The following ADCY1 variants were observed in gnomAD, a reference collection of about 807,000 sequenced individuals.
The protein encoded by ADCY1 is adenylate cyclase type 1.
A neutral mutation model predicts 105.4 loss-of-function variants in ADCY1; 28 were observed. The observed-to-expected ratio is 0.27, with a 90% CI of 0.20 to 0.36. The LOEUF is 0.36. Ranked by LOEUF, ADCY1 falls within the 10% of genes least tolerant of loss-of-function variation. ADCY1 has a pLI of 1.00. For missense variants in ADCY1, 977 were observed against 1,434.2 expected (o/e 0.68, Z 5.15); for synonymous variants, 655 against 623.8 (o/e 1.05, Z -0.75).
intron 14 of ADCY1, among the ~76,000 whole-genome samples, chr7:45,695,635 G>A (rs1163129924): frequency 1.3e-5 from 2 of 152,202 alleles, no homozygotes; most frequent in Admixed American, 6.5e-5. Context: ...TCTCTGAAAG[G>A]TTAGATCTGG....
chr7:45,597,410 G>C (rs1793107600), intron 2 of ADCY1, among the ~76,000 whole-genome samples: 1 of 152,220 alleles, frequency 6.6e-6, no homozygotes, highest in Non-Finnish European at 1.5e-5. Context: ...ACCAGTAGTA[G>C]GGTGTGCTTC....
At chr7:45,592,691 G>A (rs971735789) in intron 1 of ADCY1, 68 bp from the exon 2 acceptor site, 2 of 1,598,532 alleles carry the variant, frequency 1.3e-6, no homozygotes, top group African/African-American at 2.7e-5. Flanking sequence ...TGCTCTCCGG[G>A]CGGCCTAGGC....
In ADCY1 at chr7:45,575,222, A is replaced by G; in HGVS notation, c.639+40A>G. 3 of 1,529,212 alleles carry G rather than the reference A, an allele frequency of 2.0e-6. No individual in the cohort carries two copies. Among genetic ancestry groups the G allele is most frequent in the Non-Finnish European group, 2.6e-6 (3 of 1,143,646 alleles). 94.7% of individuals were successfully genotyped at this position (1,529,212 alleles called of 1,614,324 possible). A position where few individuals can be genotyped will look rare whatever the true frequency, so the allele number is the denominator to read the frequency against. ...GCACCCCTCATCTGGTCTCGGACAC[A>G]CTTGCTGGGACGATGCTGGGAATGC... On this transcript the variant is annotated intron_variant, in intron 1 of 19. Coordinates refer to ENST00000297323, the MANE Select transcript of ADCY1 (RefSeq NM_021116.4). The surrounding 1 kb of genome is among the most constrained non-coding windows in gnomAD (Gnocchi z 4.7).
At chr7:45,706,394 A>G (rs973587166) in intron 17 of ADCY1, among the ~76,000 whole-genome samples, 1 of 151,312 alleles carries the variant, frequency 6.6e-6, no homozygotes, top group East Asian at 2.0e-4. Flanking sequence ...ACCCATAGAC[A>G]TATAGTCAAC....
intron 4 of ADCY1, among the ~76,000 whole-genome samples, chr7:45,643,277 T>C (rs1348144951): frequency 1.3e-5 from 2 of 151,056 alleles, no homozygotes; most frequent in Admixed American, 6.6e-5. Context: ...AGGATTTTTT[T>C]TTTAGGAAAA....
intron 14 of ADCY1, among the ~76,000 whole-genome samples, chr7:45,693,144 C>T (rs6463298): frequency 0.58 from 87,865 of 152,108 alleles, 26,350 homozygotes; most frequent in East Asian, 0.79. Flanking sequence ...TGACAGATTA[C>T]AACACTTAAG....
In ADCY1 at chr7:45,589,993, G is replaced by C. The variant is rs146377207; in HGVS notation, c.640-2766G>C. On this transcript the variant is annotated intron_variant, in intron 1 of 19. Transcript: ENST00000297323. ...ACAGATTGTAGTTAACAGAAATGGG[G>C]AGGCAAGCTAACGAAAAGAGAGGAG... Among the ~76,000 whole-genome samples, 520 of 152,272 alleles carry C rather than the reference G, an allele frequency of 3.4e-3. 3 individuals are homozygous for C. The highest frequency in any genetic ancestry group is 0.012 in the African/African-American group (494 of 41,566).
intron 2 of ADCY1, among the ~76,000 whole-genome samples, chr7:45,601,055 G>A (rs1793217540): frequency 6.6e-6 from 1 of 152,188 alleles, no homozygotes; most frequent in South Asian, 2.1e-4. Context: ...TAAAAGTCGA[G>A]TGTATGATTT....
intron 14 of ADCY1, among the ~76,000 whole-genome samples, chr7:45,697,386 CTTTT>C (rs34522967): frequency 9.2e-6 from 1 of 108,262 alleles, no homozygotes; most frequent in African/African-American, 3.5e-5. Flanking sequence ...CTCTCTTTAC[CTTTT>C]TTTTTTTTTT....
chr7:45,703,519 G>C lies in ADCY1; in HGVS notation c.2571+27G>C. 6.2e-7 allele frequency: 1 copy of C among 1,613,856 alleles called. No homozygotes were observed. Among genetic ancestry groups the C allele is most frequent in the South Asian group, 1.1e-5 (1 of 91,054 alleles). ...TGAGCACCCAGCCTGCTCCTGGCCAGCACTAGCCCTACACTGCTCTGGCCA... is the reference window on the plus strand; with the variant it reads ...TGAGCACCCAGCCTGCTCCTGGCCACCACTAGCCCTACACTGCTCTGGCCA... On this transcript the variant is annotated intron_variant, in intron 15 of 19. Coordinates refer to ENST00000297323, the MANE Select transcript of ADCY1 (RefSeq NM_021116.4). The surrounding 1 kb of genome is among the most constrained non-coding windows in gnomAD (Gnocchi z 5.9).
chr7:45,620,695 C>T (rs1056053036), intron 3 of ADCY1, among the ~76,000 whole-genome samples: 1 of 152,116 alleles, frequency 6.6e-6, no homozygotes, highest in Non-Finnish European at 1.5e-5. Context: ...AAGAGAAAAA[C>T]GAGTTATCAT....
Position 45,678,184 on chromosome 7 carries a change from G to A in ADCY1, c.1819G>A (p.Glu607Lys). The change falls in exon 10 of 20, where the codon GAG becomes AAG. Residue 607 changes from glutamate (E) to lysine (K), a missense_variant. Transcript: ENST00000297323. ...REQKYHQLQD[E>K]YFTSAVVLTL... is the part of the protein sequence containing the mutation. ...TACACAGTACCACCAGCTTCAGGACGAGTATTTCACCAGCGCCGTTGTCCT... is the reference window on the plus strand; with the variant it reads ...TACACAGTACCACCAGCTTCAGGACAAGTATTTCACCAGCGCCGTTGTCCT... 1.9e-6 allele frequency: 3 copies of A among 1,614,178 alleles called. No homozygotes were observed. Among genetic ancestry groups the A allele is most frequent in the East Asian group, 2.2e-5 (1 of 44,886 alleles).
At chr7:45,581,535 C>T (rs917192900) in intron 1 of ADCY1, among the ~76,000 whole-genome samples, 4 of 152,190 alleles carry the variant, frequency 2.6e-5, no homozygotes, top group African/African-American at 9.7e-5. Flanking sequence ...ATCCCTGTGG[C>T]CATCATGCCA....
chr7:45,712,193 A>G lies in ADCY1; in HGVS notation c.3058-1500A>G, dbSNP rs1368495596. ...TTTATAATTTTATTTAAATAATAAA[A>G]TTAAATGTTAAATATATTAAATTAA... On this transcript the variant is annotated intron_variant, in intron 19 of 19. Coordinates refer to ENST00000297323, the MANE Select transcript of ADCY1 (RefSeq NM_021116.4). Among the ~76,000 whole-genome samples, 47 of 143,376 alleles carry G rather than the reference A, an allele frequency of 3.3e-4. 1 individual carries two copies. The East Asian group carries it at 6.8e-3, about 21-fold the overall frequency. The allele number at this position is 143,376 out of a possible 152,430, so 94.1% of individuals were successfully genotyped here. A position where few individuals can be genotyped will look rare whatever the true frequency, so the allele number is the denominator to read the frequency against.
chr7:45,684,964 A>C lies in ADCY1; in HGVS notation c.1984-15A>C. On this transcript the variant is annotated splice_polypyrimidine_tract_variant and intron_variant, in intron 11 of 19. Coordinates refer to ENST00000297323, the MANE Select transcript of ADCY1 (RefSeq NM_021116.4). ...TAATCAGAGGGTATTTTCTAAATTA[A>C]CATTTCTTATTCAGTGTTTTCCAGG... 1 of 1,608,816 alleles carries C rather than the reference A, an allele frequency of 6.2e-7. No individual in the cohort carries two copies. Among genetic ancestry groups the C allele is most frequent in the Non-Finnish European group, 8.5e-7 (1 of 1,175,150 alleles).
intron 5 of ADCY1, 69 bp from the exon 6 acceptor site, chr7:45,657,658 C>A: frequency 6.6e-7 from 1 of 1,514,338 alleles, no homozygotes; most frequent in South Asian, 1.2e-5. Flanking sequence ...CCTAGCAGTG[C>A]AGACCAAGGT....
chr7:45,676,053 T>G (rs56294845), intron 8 of ADCY1, among the ~76,000 whole-genome samples: 24,370 of 151,382 alleles, frequency 0.16, 2,215 homozygotes, highest in African/African-American at 0.24. Flanking sequence ...GTTTTGTTTT[T>G]TTTTTTTAAG....
At chr7:45,614,286 G>C (rs1193536900) in intron 3 of ADCY1, among the ~76,000 whole-genome samples, 1 of 152,076 alleles carries the variant, frequency 6.6e-6, no homozygotes, top group Non-Finnish European at 1.5e-5. Context: ...AAAGTGTAGA[G>C]TTTCTGTATG....
intron 4 of ADCY1, among the ~76,000 whole-genome samples, chr7:45,638,481 CT>C (rs34719678): frequency 0.37 from 48,937 of 132,520 alleles, 8,296 homozygotes; most frequent in East Asian, 0.68. Context: ...CAGTTTGCTC[CT>C]TTTTTTTTTT....
Sources: gnomAD v4.1 joint callset for allele counts (sites outside exome capture counted in the v4.1 genomes callset) on GRCh38, gnomAD v4.1.1 for gene constraint, Gnocchi (gnomAD v3.1) non-coding constraint, MANE v1.5 for transcripts, NCBI Gene and HGNC (gene_info 2026-07-23, HGNC 2026-07-21) for gene names.